The following RSPO2 variants were observed in gnomAD, a reference collection of about 807,000 sequenced individuals.
RSPO2 encodes the protein R-spondin-2.
A neutral mutation model predicts 30.9 loss-of-function variants in RSPO2; 14 were observed. The observed-to-expected ratio is 0.45, with a 90% CI of 0.30 to 0.71. The LOEUF is 0.71. Ranked by LOEUF, RSPO2 falls within the 30% of genes least tolerant of loss-of-function variation. The pLI, the probability that RSPO2 is intolerant of heterozygous loss-of-function variation, is 0.08. For missense variants in RSPO2, 264 were observed against 301.9 expected, an observed-to-expected ratio of 0.87 and a Z score of 0.93; for synonymous variants, 107 against 96.4, an observed-to-expected ratio of 1.11 and a Z score of -0.64.
At chr8:108,047,924 T>C (rs1049666605) in intron 2 of RSPO2, among the ~76,000 whole-genome samples, 7 of 151,330 alleles carry the variant, frequency 4.6e-5, no homozygotes, top group Non-Finnish European at 7.4e-5. Context: ...TTCGAGGTAA[T>C]GGGGCAGGTT....
At chr8:108,080,313 T>G (rs17405978) in intron 2 of RSPO2, among the ~76,000 whole-genome samples, 9,928 of 152,258 alleles carry the variant, frequency 0.065, 411 homozygotes, top group East Asian at 0.09. Flanking sequence ...AACTTGGGAT[T>G]TGTAAAGGGA....
At chr8:108,039,994 A>G (rs751777912) in intron 2 of RSPO2, among the ~76,000 whole-genome samples, 14 of 152,088 alleles carry the variant, frequency 9.2e-5, no homozygotes, top group Non-Finnish European at 2.1e-4. Flanking sequence ...CCATGCTGGC[A>G]CCCCAATTTT....
chr8:108,061,921 G>T (rs1407769523), intron 2 of RSPO2, among the ~76,000 whole-genome samples: 5 of 151,978 alleles, frequency 3.3e-5, no homozygotes, highest in Admixed American at 6.5e-5. Context: ...TCAACAACCT[G>T]CTCCTGAATG....
At chr8:107,995,049 C>T (rs1033156178) in intron 2 of RSPO2, among the ~76,000 whole-genome samples, 1 of 152,092 alleles carries the variant, frequency 6.6e-6, no homozygotes, top group African/African-American at 2.4e-5. Context: ...ACCAAAGGGA[C>T]CAAACAAGAA....
chr8:107,926,149 T>C lies in RSPO2; in HGVS notation c.617-24959A>G, dbSNP rs1266380287. 3.3e-5 allele frequency among the ~76,000 whole-genome samples: 5 copies of C among 152,214 alleles called. No individual in the cohort carries two copies. The South Asian group carries it at 1.0e-3, about 31-fold the overall frequency. On this transcript the variant is annotated intron_variant, in intron 5 of 5. Transcript: ENST00000276659. ...GTGGTTTTGATTTGCATTTCTCTGA[T>C]GGCCAGTGATGGTGAGCATTTTTTC...
intron 5 of RSPO2, among the ~76,000 whole-genome samples, chr8:107,927,843 A>G (rs1812433452): frequency 6.6e-6 from 1 of 151,486 alleles, no homozygotes; most frequent in Non-Finnish European, 1.5e-5. Flanking sequence ...ATCAGAGGCC[A>G]GTGATCATTA....
chr8:108,034,570 G>A (rs926939915), intron 2 of RSPO2, among the ~76,000 whole-genome samples: 2 of 152,228 alleles, frequency 1.3e-5, no homozygotes, highest in African/African-American at 4.8e-5. Context: ...CATTGAATCT[G>A]AGTTATGGGT....
intron 2 of RSPO2, among the ~76,000 whole-genome samples, chr8:108,062,290 CA>C (rs1812494947): frequency 1.3e-5 from 2 of 151,656 alleles, no homozygotes; most frequent in Admixed American, 1.3e-4. Flanking sequence ...AGCCTGCTAG[CA>C]AGACTAACAA....
intron 5 of RSPO2, among the ~76,000 whole-genome samples, chr8:107,957,069 G>A (rs914054113): frequency 2.6e-5 from 4 of 152,102 alleles, no homozygotes; most frequent in Non-Finnish European, 5.9e-5. Flanking sequence ...TGGAGTCTTC[G>A]AGTCTTAAAA....
chr8:108,022,920 TCAAAAAAAAAAA>T (rs1811097763), intron 2 of RSPO2, among the ~76,000 whole-genome samples: 3 of 115,534 alleles, frequency 2.6e-5, no homozygotes, highest in African/African-American at 3.6e-5. Flanking sequence ...AACAAAACTG[TCAAAAAAAAAAA>T]CAAAAAAAAA....
chr8:107,936,690 T>G (rs948419311), intron 5 of RSPO2, among the ~76,000 whole-genome samples: 3 of 152,190 alleles, frequency 2.0e-5, no homozygotes, highest in African/African-American at 7.2e-5. Context: ...GATTTTTTAT[T>G]TTTACATGTT....
chr8:107,915,368 C>T (rs936995982), intron 5 of RSPO2, among the ~76,000 whole-genome samples: 4 of 152,012 alleles, frequency 2.6e-5, no homozygotes, highest in South Asian at 2.1e-4. Context: ...TTCCTTCTCC[C>T]GACTGGTTCT....
chr8:108,016,730 G>C (rs1422999413), intron 2 of RSPO2, among the ~76,000 whole-genome samples: 1 of 152,176 alleles, frequency 6.6e-6, no homozygotes, highest in Non-Finnish European at 1.5e-5. Context: ...GGGCGGTACA[G>C]ATTCTTCATG....
chr8:108,044,380 C>G, intron 2 of RSPO2, among the ~76,000 whole-genome samples: 1 of 151,992 alleles, frequency 6.6e-6, no homozygotes, highest in East Asian at 1.9e-4. Flanking sequence ...TTTCAATTAC[C>G]CCCCTCTCTG....
chr8:108,080,586 T>G (rs1813163324), intron 2 of RSPO2, among the ~76,000 whole-genome samples: 1 of 152,196 alleles, frequency 6.6e-6, no homozygotes, highest in African/African-American at 2.4e-5. Flanking sequence ...GAGATGGCAC[T>G]GCAGAGAAGG....
At chr8:107,980,398 T>C (rs1327435959) in intron 3 of RSPO2, among the ~76,000 whole-genome samples, 2 of 152,212 alleles carry the variant, frequency 1.3e-5, no homozygotes, top group Non-Finnish European at 2.9e-5. Context: ...ACCATGCAAG[T>C]GGCTGTTTTC....
In RSPO2 at chr8:107,988,810, T is replaced by C. The variant is rs187122412; in HGVS notation, c.283+246A>G. 2.3e-3 allele frequency among the ~76,000 whole-genome samples: 351 copies of C among 152,246 alleles called. 4 individuals carry two copies. Among genetic ancestry groups the C allele is most frequent in the Admixed American group, 0.023 (346 of 15,286 alleles). On this transcript the variant is annotated intron_variant, in intron 3 of 5. Transcript: ENST00000276659. ...GCCTGGCTAATTTTTGTATTTTTAG[T>C]AGAGATGGGGTTTCCTCATGTTGGC...
chr8:107,987,876 T>G (rs1814700908), intron 3 of RSPO2, among the ~76,000 whole-genome samples: 1 of 152,198 alleles, frequency 6.6e-6, no homozygotes, highest in Non-Finnish European at 1.5e-5. Flanking sequence ...GGGAGATCAT[T>G]AAATCACTCT....
chr8:107,899,826 A>G lies in RSPO2; in HGVS notation c.*1249T>C, dbSNP rs1423742659. On this transcript the variant is annotated 3_prime_UTR_variant, in exon 6 of 6. Coordinates refer to ENST00000276659, the MANE Select transcript of RSPO2 (RefSeq NM_178565.5). Reference sequence around the variant, plus strand: ...TCTGAAAGTCACCTGGGAAGTTTCCATAGTGTTCCTCTCCATCTTGGATCT... The same window carrying G: ...TCTGAAAGTCACCTGGGAAGTTTCCGTAGTGTTCCTCTCCATCTTGGATCT... 2 of 152,224 alleles carry G rather than the reference A, an allele frequency of 1.3e-5. No individual in the cohort carries two copies. The highest frequency in any genetic ancestry group is 4.8e-5 in the African/African-American group (2 of 41,470). The allele number at this position is 152,224 out of a possible 1,614,324, so 9.4% of individuals were successfully genotyped here. A position where few individuals can be genotyped will look rare whatever the true frequency, so the allele number is the denominator to read the frequency against.
Sources: allele counts gnomAD v4.1 joint callset (sites outside exome capture counted in the v4.1 genomes callset), GRCh38; gene constraint gnomAD v4.1.1; transcripts MANE v1.5; gene names NCBI Gene and HGNC (gene_info 2026-07-23, HGNC 2026-07-21).